Variants in ARFGAP1 observed in about 807,000 individuals in gnomAD.
The protein encoded by ARFGAP1 is ADP-ribosylation factor GTPase-activating protein 1.
A neutral mutation model predicts 54.0 loss-of-function variants in ARFGAP1; 26 were observed. The observed-to-expected ratio is 0.48, with a 90% CI of 0.35 to 0.67. The LOEUF is 0.67. Ranked by LOEUF, ARFGAP1 falls within the 30% of genes least tolerant of loss-of-function variation. The pLI, the probability that ARFGAP1 is intolerant of heterozygous loss-of-function variation, is 0.00. For synonymous variants in ARFGAP1, 248 were observed against 211.9 expected, an observed-to-expected ratio of 1.17 and a Z score of -1.48; for missense variants, 525 against 535.8, an observed-to-expected ratio of 0.98 and a Z score of 0.20.
In ARFGAP1 at chr20:63,287,610, C is replaced by T. The variant is rs2067594496; in HGVS notation, c.958C>T (p.Gln320Ter). Reference protein sequence around the residue: ...SYQNSGLDHFQNSNIDQSFWE... With the variant: ...SYQNSGLDHF ...TCAGAACAGCGGTCTGGACCACTTC[C>T]AAAACAGCAACATAGACCAGAGCTT... Residue 320 changes from glutamine (Q) to a stop codon, truncating the protein, a stop_gained, in exon 13 of 13, where the codon CAA becomes TAA. Coordinates refer to ENST00000370283, the MANE Select transcript of ARFGAP1 (RefSeq NM_018209.4). LOFTEE classifies it high-confidence loss of function. The T allele has an allele frequency of 6.2e-7, 1 of 1,611,382 alleles. No homozygotes were observed. The highest frequency in any genetic ancestry group is 8.5e-7 in the Non-Finnish European group (1 of 1,179,042).
chr20:63,277,272 C>G lies in ARFGAP1; in HGVS notation c.410C>G (p.Pro137Arg), dbSNP rs1568731894. The G allele has an allele frequency of 1.9e-6, 3 of 1,613,126 alleles. No homozygotes were observed. Among genetic ancestry groups the G allele is most frequent in the Non-Finnish European group, 2.5e-6 (3 of 1,179,934 alleles). ...ESSPAQNWTPPQPRTLPSMVH... is the reference protein window; with the variant it reads ...ESSPAQNWTPRQPRTLPSMVH... ...TCACCTGCCCAGAACTGGACCCCACCTCAGCCCAGGACGCTGCCGTCCATG... is the reference window on the plus strand; with the variant it reads ...TCACCTGCCCAGAACTGGACCCCACGTCAGCCCAGGACGCTGCCGTCCATG... The change falls in exon 5 of 13, where the codon CCT becomes CGT. Residue 137 changes from proline (P) to arginine (R), a missense_variant. Pro to Arg is a moderately radical substitution (Grantham distance 103). Coordinates refer to ENST00000370283, the MANE Select transcript of ARFGAP1 (RefSeq NM_018209.4).
At chr20:63,281,111 G>T (rs2067369146) in intron 7 of ARFGAP1, among the ~76,000 whole-genome samples, 180 bp from the exon 8 acceptor site, 1 of 152,188 alleles carries the variant, frequency 6.6e-6, no homozygotes, top group Non-Finnish European at 1.5e-5. Context: ...CGTTTCTGTT[G>T]TGCCCTGGGT....
At chr20:63,277,375 C>T in intron 5 of ARFGAP1, 70 bp downstream of exon 5, 5 of 1,309,016 alleles carry the variant, frequency 3.8e-6, no homozygotes, top group South Asian at 2.9e-5. Context: ...GGGTTTCCCA[C>T]AGAATTCTCC....
rs764496679 is a variant in ARFGAP1, at chr20:63,279,238, GCC to G, written c.627+245_627+246del. The G allele has an allele frequency of 5.2e-5, 30 of 579,824 alleles. 1 individual carries two copies. Among genetic ancestry groups the G allele is most frequent in the South Asian group, 4.4e-4 (28 of 63,712 alleles). The allele number at this position is 579,824 out of a possible 1,614,324, so 35.9% of individuals were successfully genotyped here. On this transcript the variant is annotated intron_variant, in intron 7 of 12. Transcript: ENST00000370283. ...TTTTAAGACGGAGTCTTGCTTTGTCGCCCAGGCTGCAGACTGGAGGGCAGTGG... is the reference window on the plus strand; with the variant it reads ...TTTTAAGACGGAGTCTTGCTTTGTCGCAGGCTGCAGACTGGAGGGCAGTGG...
intron 7 of ARFGAP1, chr20:63,279,341 G>T (rs1480396946): frequency 5.0e-6 from 2 of 400,052 alleles, no homozygotes; most frequent in African/African-American, 4.2e-5. Flanking sequence ...GAGTAGCTGG[G>T]ATTATAGGCA....
intron 2 of ARFGAP1, 130 bp downstream of exon 2, chr20:63,275,770 G>C: frequency 1.1e-6 from 1 of 930,654 alleles, no homozygotes; most frequent in Non-Finnish European, 1.7e-6. Context: ...CTCTGGACGT[G>C]CATGGCTTGT....
intron 9 of ARFGAP1, chr20:63,284,390 C>T (rs1241511138): frequency 2.8e-6 from 3 of 1,072,040 alleles, no homozygotes; most frequent in South Asian, 3.2e-5. Context: ...ACTCCACTGA[C>T]CCAGGATCAG....
At chr20:63,278,335 C>G (rs1056776430) in intron 6 of ARFGAP1, 132 bp downstream of exon 6, 3 of 883,478 alleles carry the variant, frequency 3.4e-6, no homozygotes, top group African/African-American at 3.3e-5. Context: ...GGTGCAGGGT[C>G]TGATTGCAGT....
chr20:63,287,943 C>T lies in ARFGAP1; in HGVS notation c.*70C>T, dbSNP rs1384357475. The T allele has an allele frequency of 2.1e-6, 3 of 1,421,956 alleles. No individual in the cohort carries two copies. Among genetic ancestry groups the T allele is most frequent in the African/African-American group, 1.4e-5 (1 of 69,610 alleles). The allele number at this position is 1,421,956 out of a possible 1,614,324, so 88.1% of individuals were successfully genotyped here. ...TTTGCACTCTGCCCTCGTCGTTCCT[C>T]CTCCTTCCATTTGACCCAAGAATCA... is the stretch of plus-strand genomic sequence containing the variant. On this transcript the variant is annotated 3_prime_UTR_variant, in exon 13 of 13. Transcript: ENST00000370283.
intron 7 of ARFGAP1, among the ~76,000 whole-genome samples, chr20:63,281,056 G>A (rs892849165): frequency 3.3e-5 from 5 of 152,140 alleles, no homozygotes; most frequent in Admixed American, 2.0e-4. Context: ...GCTGGTTTGC[G>A]CTGTGTTGGG....
In ARFGAP1 at chr20:63,275,634, G is replaced by C. The variant is rs777790138; in HGVS notation, c.54G>C (p.Glu18Asp). ...TTAAAGAAGTCAGGGTGCAGGATGA[G>C]AACAACGTAAGCCTCTGCCCCCCAC... ...KVLKEVRVQD[E>D]NNVCFECGAF... is the part of the protein sequence containing the mutation. The change falls in exon 2 of 13, where the codon GAG (glutamate) becomes GAC (aspartate). Residue 18 changes from glutamate to aspartate, a missense_variant. Glu to Asp is a conservative substitution (Grantham distance 45, BLOSUM62 2). This residue lies in a region of ARFGAP1 where 39 missense variants were observed against 40.4 expected (regional missense o/e 0.97). Coordinates refer to ENST00000370283, the MANE Select transcript of ARFGAP1 (RefSeq NM_018209.4). The C allele has an allele frequency of 1.2e-5, 19 of 1,613,774 alleles. No individual in the cohort carries two copies. The highest frequency in any genetic ancestry group is 7.6e-6 in the Non-Finnish European group (9 of 1,180,010).
chr20:63,288,896 C>G lies in ARFGAP1; in HGVS notation c.*1023C>G, dbSNP rs531181225. The G allele has an allele frequency of 7.3e-5, 19 of 259,372 alleles. No homozygotes were observed. The South Asian group carries it at 8.5e-4, about 12-fold the overall frequency. 16.1% of individuals were successfully genotyped at this position (259,372 alleles called of 1,614,324 possible). A position where few individuals can be genotyped will look rare whatever the true frequency, so the allele number is the denominator to read the frequency against. Reference sequence around the variant, plus strand: ...GCGCCCGAAGCTCGTGCAGTTTGTACGTGAGGTGCTCTCCTCCCTGCCACC... The same window carrying G: ...GCGCCCGAAGCTCGTGCAGTTTGTAGGTGAGGTGCTCTCCTCCCTGCCACC... On this transcript the variant is annotated 3_prime_UTR_variant, in exon 13 of 13. Coordinates refer to ENST00000370283, the MANE Select transcript of ARFGAP1 (RefSeq NM_018209.4).
intron 1 of ARFGAP1, 65 bp from the exon 2 acceptor site, chr20:63,275,512 G>A (rs994701180): frequency 2.2e-5 from 33 of 1,496,890 alleles, no homozygotes; most frequent in Non-Finnish European, 2.9e-5. Flanking sequence ...TTGGACAGAC[G>A]TTATTTTCTT....
chr20:63,283,357 C>T (rs2067437241), intron 9 of ARFGAP1: 1 of 199,962 alleles, frequency 5.0e-6, no homozygotes, highest in Non-Finnish European at 1.0e-5. Context: ...CCCGCGGTTC[C>T]CACTTGGTGG....
intron 9 of ARFGAP1, chr20:63,283,572 A>G (rs1440272707): frequency 4.2e-6 from 2 of 473,286 alleles, no homozygotes; most frequent in Non-Finnish European, 7.5e-6. Context: ...TTCCTCTCTG[A>G]GGGAGTCTCC....
rs373966925 is a variant in ARFGAP1, at chr20:63,287,759, G to A, written c.1107G>A (p.Ser369=). 4.3e-6 allele frequency: 7 copies of A among 1,609,584 alleles called. No homozygotes were observed. The highest frequency in any genetic ancestry group is 2.2e-5 in the South Asian group (2 of 90,482). The change falls in exon 13 of 13, where the codon TCG becomes TCA. Residue 369 remains serine (S), a synonymous_variant. Coordinates refer to ENST00000370283, the MANE Select transcript of ARFGAP1 (RefSeq NM_018209.4). The part of the protein sequence containing the change: ...RSSDSWEVWG[S]ASTNRNSNSD... ...CGGACAGCTGGGAGGTGTGGGGCTC[G>A]GCCTCCACCAACAGGAACAGCAACA...
chr20:63,282,999 C>A, intron 9 of ARFGAP1, 148 bp downstream of exon 9: 1 of 840,416 alleles, frequency 1.2e-6, no homozygotes, highest in Non-Finnish European at 1.9e-6. Flanking sequence ...GGTGTTCCTG[C>A]CATGCTGTTC....
intron 11 of ARFGAP1, chr20:63,286,151 G>T (rs1469506967): frequency 5.2e-6 from 8 of 1,550,270 alleles, no homozygotes; most frequent in Non-Finnish European, 7.0e-6. Flanking sequence ...CTGTGCACGA[G>T]GCTGTCCTCG....
rs778616368 is a variant in ARFGAP1, at chr20:63,277,230, A to G, written c.368A>G (p.Glu123Gly). 4 of 1,612,550 alleles carry G rather than the reference A, an allele frequency of 2.5e-6. No homozygotes were observed. Among genetic ancestry groups the G allele is most frequent in the African/African-American group, 2.7e-5 (2 of 74,792 alleles). ...DKVVALAEGR[E>G]WSLESSPAQN... ...GTGGTCGCTCTGGCCGAAGGCAGAG[A>G]GTGGTCTCTGGAGTCATCACCTGCC... The change falls in exon 5 of 13, where the codon GAG (glutamate) becomes GGG (glycine). Residue 123 changes from glutamate to glycine, a missense_variant. Physicochemically the swap from Glu to Gly is moderately conservative, Grantham distance 98 (BLOSUM62 -2). This residue lies in a region of ARFGAP1 where 466 missense variants were observed against 453.6 expected (regional missense o/e 1.03). Coordinates refer to ENST00000370283, the MANE Select transcript of ARFGAP1 (RefSeq NM_018209.4).
Sources: gnomAD v4.1 joint callset for allele counts (sites outside exome capture counted in the v4.1 genomes callset) on GRCh38, gnomAD v4.1.1 for gene constraint, gnomAD v4.1.1 regional missense constraint, MANE v1.5 for transcripts, NCBI Gene and HGNC (gene_info 2026-07-23, HGNC 2026-07-21) for gene names.